LRP2: variants seen among roughly 807,000 people sequenced by gnomAD.
LRP2 encodes LDL receptor related protein 2.
A neutral mutation model predicts 531.0 loss-of-function variants in LRP2; 172 were observed. The ratio of observed to expected loss-of-function variants is 0.32; its 90% CI spans 0.29 to 0.37. The LOEUF is 0.37. Among genes scored for constraint, LRP2 ranks in the 10% least tolerant of loss-of-function variants. The pLI, the probability that LRP2 is intolerant of heterozygous loss-of-function variation, is 1.00. For synonymous variants in LRP2, 1,992 were observed against 2,027.6 expected, an observed-to-expected ratio of 0.98 and a Z score of 0.47; for missense variants, 5,167 against 5,868.3, an observed-to-expected ratio of 0.88 and a Z score of 3.90.
At chr2:169,192,895 G>A (rs904491507) in intron 47 of LRP2, among the ~76,000 whole-genome samples, 6 of 152,124 alleles carry the variant, frequency 3.9e-5, no homozygotes, top group Non-Finnish European at 8.8e-5. Flanking sequence ...ACACAGGAGG[G>A]TGCCATCAGA....
intron 19 of LRP2, 149 bp from the exon 20 acceptor site, chr2:169,247,664 C>T (rs1303315291): frequency 2.3e-6 from 2 of 862,728 alleles, no homozygotes; most frequent in African/African-American, 3.3e-5. Context: ...TAACCATTTT[C>T]CACGACTTGT....
At chr2:169,296,182 C>T (rs577866988) in intron 4 of LRP2, among the ~76,000 whole-genome samples, 1 of 152,236 alleles carries the variant, frequency 6.6e-6, no homozygotes, top group African/African-American at 2.4e-5. Context: ...AAGCCTAACT[C>T]TTCTCATCTC....
In LRP2 at chr2:169,146,976, C is replaced by T. The variant is rs1382593880; in HGVS notation, c.12591-17G>A. On this transcript the variant is annotated splice_polypyrimidine_tract_variant and intron_variant, in intron 68 of 78. Coordinates refer to ENST00000649046, the MANE Select transcript of LRP2 (RefSeq NM_004525.3). ...AACATAAGCCTATAACAGAAGATTT[C>T]TTCACTGTAGCATCTCACCTGGTAA... 1 of 1,577,318 alleles carries T rather than the reference C, an allele frequency of 6.3e-7. No homozygotes were observed. The highest frequency in any genetic ancestry group is 1.3e-5 in the African/African-American group (1 of 74,232).
intron 1 of LRP2, among the ~76,000 whole-genome samples, chr2:169,352,528 C>A (rs924009344): frequency 6.6e-6 from 1 of 152,156 alleles, no homozygotes; most frequent in African/African-American, 2.4e-5. Context: ...CTAGATCACA[C>A]GTTCCCAAAA....
chr2:169,157,654 G>A lies in LRP2; in HGVS notation c.11888-152C>T, dbSNP rs796482009. 33 of 793,902 alleles carry A rather than the reference G, an allele frequency of 4.2e-5. No individual in the cohort carries two copies. In the South Asian group the frequency reaches 4.6e-4, roughly 11 times the overall value. 49.2% of individuals were successfully genotyped at this position (793,902 alleles called of 1,614,324 possible). A position where few individuals can be genotyped will look rare whatever the true frequency, so the allele number is the denominator to read the frequency against. ...TTGGAGAGGACAGAGGGCACTGGGG[G>A]AGTCAGGATTCCTATTTCTGATCGT... On this transcript the variant is annotated intron_variant, in intron 63 of 78. Transcript: ENST00000649046.
intron 7 of LRP2, 65 bp from the exon 8 acceptor site, chr2:169,291,062 G>C: frequency 6.9e-7 from 1 of 1,445,820 alleles, no homozygotes; most frequent in Non-Finnish European, 9.6e-7. Flanking sequence ...TTGTTAATCA[G>C]TGGTTTACAG....
rs139317438 is a variant in LRP2 at position 169,294,029 on chromosome 2, ACT to A, written c.652+117_652+118del. ...ATTCCATCTGCCATCAAACGTAGTGACTCTTCTCCTTGAAAAAAGAGGTACAT... is the reference window on the plus strand; with the variant it reads ...ATTCCATCTGCCATCAAACGTAGTGACTTCTCCTTGAAAAAAGAGGTACAT... On this transcript the variant is annotated intron_variant, in intron 6 of 78. Transcript: ENST00000649046. The A allele has an allele frequency of 1.7e-4, 128 of 753,626 alleles. No individual in the cohort carries two copies. In the East Asian group the frequency reaches 3.1e-3, roughly 18 times the overall value. The allele number at this position is 753,626 out of a possible 1,614,324, so 46.7% of individuals were successfully genotyped here. A position where few individuals can be genotyped will look rare whatever the true frequency, so the allele number is the denominator to read the frequency against.
At chr2:169,154,336 G>T (rs1558982499) in intron 66 of LRP2, 124 bp downstream of exon 66, 1 of 853,734 alleles carries the variant, frequency 1.2e-6, no homozygotes, top group East Asian at 2.5e-5. Context: ...TGGATTGGAA[G>T]AGTTTCCTCC....
chr2:169,342,780 A>G (rs1310977275), intron 1 of LRP2, among the ~76,000 whole-genome samples: 1 of 151,804 alleles, frequency 6.6e-6, no homozygotes, highest in Non-Finnish European at 1.5e-5. Flanking sequence ...TCAGTTCCTG[A>G]TAAAAAAAAA....
chr2:169,134,656 T>C (rs1403196948), intron 76 of LRP2, among the ~76,000 whole-genome samples: 1 of 152,190 alleles, frequency 6.6e-6, no homozygotes, highest in African/African-American at 2.4e-5. Flanking sequence ...GCCGAACTCA[T>C]TGCCTTAAGT....
chr2:169,300,647 T>G (rs1032437286), intron 4 of LRP2, among the ~76,000 whole-genome samples: 1 of 152,058 alleles, frequency 6.6e-6, no homozygotes, highest in Non-Finnish European at 1.5e-5. Context: ...TGATGGAAAC[T>G]AAATAAAAGA....
chr2:169,172,571 A>G (rs2105279451), intron 57 of LRP2, among the ~76,000 whole-genome samples: 1 of 152,350 alleles, frequency 6.6e-6, no homozygotes, highest in Admixed American at 6.5e-5. Flanking sequence ...GACTATGACT[A>G]ATCTTGACAA....
chr2:169,228,907 A>C (rs1470078074), intron 31 of LRP2, among the ~76,000 whole-genome samples: 5 of 152,212 alleles, frequency 3.3e-5, no homozygotes, highest in African/African-American at 1.2e-4. Flanking sequence ...GTGACTTCAC[A>C]ACACTGCACA....
At chr2:169,224,476 T>C (rs1369092529) in intron 33 of LRP2, among the ~76,000 whole-genome samples, 2 of 152,106 alleles carry the variant, frequency 1.3e-5, no homozygotes, top group Admixed American at 1.3e-4. Context: ...AAGAAGAGAG[T>C]ATCAAAGGAA....
chr2:169,272,105 G>T (rs1327318250), intron 15 of LRP2, among the ~76,000 whole-genome samples: 2 of 152,074 alleles, frequency 1.3e-5, no homozygotes, highest in South Asian at 2.1e-4. Flanking sequence ...AATGTGTCTG[G>T]GTTAGAATAA....
intron 16 of LRP2, among the ~76,000 whole-genome samples, chr2:169,260,932 A>G (rs1263747489): frequency 6.6e-6 from 1 of 152,062 alleles, no homozygotes; most frequent in African/African-American, 2.4e-5. Context: ...GGAAGAAAGA[A>G]TATTTGAGAG....
At chr2:169,130,288 C>CTT (rs796975261) in intron 77 of LRP2, among the ~76,000 whole-genome samples, 39 of 138,890 alleles carry the variant, frequency 2.8e-4, no homozygotes, top group African/African-American at 3.5e-4. Flanking sequence ...AGAACTGAAT[C>CTT]TTTTTTTTTT....
intron 48 of LRP2, among the ~76,000 whole-genome samples, chr2:169,189,203 A>C (rs572647456): frequency 4.6e-5 from 7 of 152,342 alleles, no homozygotes; most frequent in African/African-American, 1.7e-4. Flanking sequence ...TATCATAGAA[A>C]GCATAGGAGC....
chr2:169,239,450 C>G, intron 26 of LRP2, 77 bp downstream of exon 26: 1 of 1,612,258 alleles, frequency 6.2e-7, no homozygotes, highest in Non-Finnish European at 8.5e-7. Context: ...TCAACATTGT[C>G]AAATACCTAC....
Sources: allele counts gnomAD v4.1 joint callset (sites outside exome capture counted in the v4.1 genomes callset), GRCh38; gene constraint gnomAD v4.1.1; transcripts MANE v1.5; gene names NCBI Gene and HGNC (gene_info 2026-07-23, HGNC 2026-07-21).